The following KLHL3 variants were observed in gnomAD, a reference collection of about 807,000 sequenced individuals.
KLHL3 encodes the protein kelch-like protein 3.
KLHL3 carries 19 observed loss-of-function variants against 70.5 expected under a neutral mutation model. That is an observed-to-expected ratio of 0.27 (90% CI 0.19 to 0.40). The LOEUF is 0.40. Ranked by LOEUF, KLHL3 falls within the 10% of genes least tolerant of loss-of-function variation. KLHL3 has a pLI of 1.00. For synonymous variants in KLHL3, 258 were observed against 290.3 expected (o/e 0.89, Z 1.13); for missense variants, 512 against 771.1 (o/e 0.66, Z 3.98).
Position 137,639,789 on chromosome 5 carries a change from G to T in KLHL3, c.1021+71C>A. The T allele has an allele frequency of 9.1e-7, 1 of 1,099,826 alleles. No individual in the cohort carries two copies. The highest frequency in any genetic ancestry group is 1.4e-6 in the Non-Finnish European group (1 of 714,744). The allele number at this position is 1,099,826 out of a possible 1,614,324, so 68.1% of individuals were successfully genotyped here. On this transcript the variant is annotated intron_variant, in intron 9 of 14. Coordinates refer to ENST00000309755, the MANE Select transcript of KLHL3 (RefSeq NM_017415.3). The surrounding 1 kb of genome is among the most constrained non-coding windows in gnomAD (Gnocchi z 5.0). ...CAGATGCTTGAGGAAACAAGGAGTA[G>T]CTCACGACTTCTGGCACGGAGTGGG... is the stretch of plus-strand genomic sequence containing the variant.
At chr5:137,673,765 G>C (rs1391889818) in intron 6 of KLHL3, 1 of 152,172 alleles carries the variant, frequency 6.6e-6, no homozygotes, top group East Asian at 1.9e-4. Flanking sequence ...AGATGACTAA[G>C]GTACCCTCAC....
intron 7 of KLHL3, among the ~76,000 whole-genome samples, chr5:137,659,685 C>A (rs979871907): frequency 6.6e-6 from 1 of 152,148 alleles, no homozygotes; most frequent in Non-Finnish European, 1.5e-5. Context: ...ATTAAAAGTT[C>A]TCCTGGAAAG....
At position 137,639,215 on chromosome 5, in the gene KLHL3, G is replaced by A; in HGVS notation, c.1022-65C>T. The A allele has an allele frequency of 6.7e-7, 1 of 1,487,292 alleles. No individual in the cohort carries two copies. The highest frequency in any genetic ancestry group is 9.3e-7 in the Non-Finnish European group (1 of 1,078,006). The allele number at this position is 1,487,292 out of a possible 1,614,324, so 92.1% of individuals were successfully genotyped here. On this transcript the variant is annotated intron_variant, in intron 9 of 14. Transcript: ENST00000309755. The surrounding 1 kb of genome is among the most constrained non-coding windows in gnomAD (Gnocchi z 5.0). ...CGCATGACTGCTCATGTTGATGGATGGCAATGGAGGAGCAAGACAGACACA... is the reference window on the plus strand; with the variant it reads ...CGCATGACTGCTCATGTTGATGGATAGCAATGGAGGAGCAAGACAGACACA...
intron 8 of KLHL3, among the ~76,000 whole-genome samples, chr5:137,656,496 G>A (rs1186993488): frequency 6.6e-6 from 1 of 152,194 alleles, no homozygotes; most frequent in African/African-American, 2.4e-5. Flanking sequence ...TTTATCCTAG[G>A]AGACATTTCA....
intron 8 of KLHL3, among the ~76,000 whole-genome samples, chr5:137,653,283 T>C (rs980688103): frequency 6.6e-6 from 1 of 152,024 alleles, no homozygotes; most frequent in African/African-American, 2.4e-5. Context: ...GTTAAAAAAC[T>C]ATCTTCCAAA....
chr5:137,677,614 A>G lies in KLHL3; in HGVS notation c.567T>C (p.Leu189=). 6.2e-7 allele frequency: 1 copy of G among 1,609,920 alleles called. No homozygotes were observed. The highest frequency in any genetic ancestry group is 8.5e-7 in the Non-Finnish European group (1 of 1,178,248). ...FPEVMLGEEF[L]SLSLDQVCSL... is the part of the protein sequence containing the mutation. ...TGCACACCTGGTCCAGACTCAGGCT[A>G]AGAAATTCTTCTCCTAGCATCACCT... Residue 189 remains leucine, a synonymous_variant, in exon 6 of 15, where the codon CTT becomes CTC. Coordinates refer to ENST00000309755, the MANE Select transcript of KLHL3 (RefSeq NM_017415.3).
At position 137,621,882 on chromosome 5, in the gene KLHL3, G is replaced by T. The variant is rs1265410409; in HGVS notation, c.*216C>A. On this transcript the variant is annotated 3_prime_UTR_variant, in exon 15 of 15. Transcript: ENST00000309755. ...GCCTGGGGATGTCAAGACCCCCCTT[G>T]CTCAGGGCATAGGCCAGAGCACCTC... 44 of 596,502 alleles carry T rather than the reference G, an allele frequency of 7.4e-5. No individual in the cohort carries two copies. Among genetic ancestry groups the T allele is most frequent in the African/African-American group, 1.3e-4 (7 of 53,748 alleles). The allele number at this position is 596,502 out of a possible 1,614,324, so 37.0% of individuals were successfully genotyped here.
chr5:137,699,344 A>G (rs1264654816), intron 3 of KLHL3, among the ~76,000 whole-genome samples: 1 of 152,164 alleles, frequency 6.6e-6, no homozygotes, highest in Non-Finnish European at 1.5e-5. Flanking sequence ...AACAGTGAGA[A>G]GAAGGAAGCT....
chr5:137,717,213 G>A (rs961176885), intron 2 of KLHL3, among the ~76,000 whole-genome samples: 9 of 152,214 alleles, frequency 5.9e-5, no homozygotes, highest in African/African-American at 2.2e-4. Flanking sequence ...AGATGGGAAT[G>A]GAGGTGGGCC....
intron 6 of KLHL3, among the ~76,000 whole-genome samples, chr5:137,663,451 C>T (rs959340968): frequency 2.2e-4 from 34 of 151,766 alleles, no homozygotes; most frequent in African/African-American, 7.3e-4. Flanking sequence ...ACATAACCTC[C>T]GCACATCCTC....
rs759215598 is a variant in KLHL3 at position 137,677,579 on chromosome 5, G to T, written c.602C>A (p.Ser201Tyr). The T allele has an allele frequency of 6.2e-7, 1 of 1,607,240 alleles. No homozygotes were observed. Among genetic ancestry groups the T allele is most frequent in the Non-Finnish European group, 8.5e-7 (1 of 1,177,070 alleles). ...TGAAGAAACGGTCAGCTTGTCGCTG[G>T]ATATCAAGCTGCACACCTGGTCCAG... ...LSLDQVCSLISSDKLTVSSEE... is the reference protein window; with the variant it reads ...LSLDQVCSLIYSDKLTVSSEE... Residue 201 changes from serine (S) to tyrosine (Y), a missense_variant, in exon 6 of 15, where the codon TCC (serine) becomes TAC (tyrosine). Physicochemically the swap from Ser to Tyr is moderately radical, Grantham distance 144. Coordinates refer to ENST00000309755, the MANE Select transcript of KLHL3 (RefSeq NM_017415.3).
intron 6 of KLHL3, among the ~76,000 whole-genome samples, chr5:137,675,887 CA>C (rs1369162330): frequency 6.6e-6 from 1 of 152,208 alleles, no homozygotes; most frequent in Admixed American, 6.5e-5. Flanking sequence ...AGAACATGCT[CA>C]GGGGGGCCCC....
At chr5:137,637,945 A>G (rs528197543) in intron 10 of KLHL3, among the ~76,000 whole-genome samples, 1 of 152,312 alleles carries the variant, frequency 6.6e-6, no homozygotes, top group Non-Finnish European at 1.5e-5. Context: ...CTGGAGGTAT[A>G]ACAGCCATCT....
At chr5:137,629,791 T>C (rs1047762766) in intron 12 of KLHL3, 3 of 152,196 alleles carry the variant, frequency 2.0e-5, no homozygotes, top group African/African-American at 7.2e-5. Context: ...TTAATAAAAT[T>C]TGTTGAGTTC....
At chr5:137,702,795 G>A (rs535169384) in intron 3 of KLHL3, among the ~76,000 whole-genome samples, 1 of 152,278 alleles carries the variant, frequency 6.6e-6, no homozygotes, top group East Asian at 1.9e-4. Context: ...TAGACCATTA[G>A]GGCCTTGCAC....
chr5:137,717,453 C>T (rs530585986), intron 2 of KLHL3, among the ~76,000 whole-genome samples: 140 of 152,204 alleles, frequency 9.2e-4, no homozygotes, highest in Middle Eastern at 6.8e-3. Context: ...TTGCTTGAAC[C>T]CGGGAGGTGG....
At chr5:137,698,169 G>T in intron 4 of KLHL3, 118 bp downstream of exon 4, 1 of 1,370,614 alleles carries the variant, frequency 7.3e-7, no homozygotes, top group Non-Finnish European at 1.0e-6. Context: ...CCTCTCTGGA[G>T]CTTTAGTTTC....
intron 5 of KLHL3, among the ~76,000 whole-genome samples, chr5:137,684,199 G>A (rs1245018900): frequency 6.6e-6 from 1 of 152,158 alleles, no homozygotes; most frequent in East Asian, 1.9e-4. Context: ...CCTATAAGCT[G>A]AGAAAATAAT....
intron 4 of KLHL3, among the ~76,000 whole-genome samples, chr5:137,694,836 C>CCCTGAGCCTAGAGGCAGG (rs1752407723): frequency 6.6e-6 from 1 of 152,102 alleles, no homozygotes; most frequent in Non-Finnish European, 1.5e-5. Flanking sequence ...CCCTCAGAAG[C>CCCTGAGCCTAGAGGCAGG]CCTGAGGGAG....
Sources: allele counts gnomAD v4.1 joint callset (sites outside exome capture counted in the v4.1 genomes callset), GRCh38; gene constraint gnomAD v4.1.1; non-coding constraint Gnocchi (gnomAD v3.1); transcripts MANE v1.5; gene names NCBI Gene and HGNC (gene_info 2026-07-23, HGNC 2026-07-21).